The following CDH12 variants were observed in gnomAD, a reference collection of about 807,000 sequenced individuals.
CDH12 encodes the protein cadherin-12.
Under a neutral mutation model 74.1 loss-of-function variants are expected in CDH12, and 41 were observed. That is an observed-to-expected ratio of 0.55 (90% CI 0.43 to 0.72). The LOEUF (loss-of-function observed/expected upper bound fraction) is 0.72, where lower values mean the gene tolerates loss of function less well. Among genes scored for constraint, CDH12 ranks in the 30% least tolerant of loss-of-function variants. The pLI is 0.00. For synonymous variants in CDH12, 399 were observed against 355.0 expected (o/e 1.12, Z -1.39); for missense variants, 945 against 977.2 (o/e 0.97, Z 0.44).
chr5:21,767,638 G>A (rs764803472), intron 11 of CDH12, among the ~76,000 whole-genome samples: 12 of 151,378 alleles, frequency 7.9e-5, no homozygotes, highest in Non-Finnish European at 1.8e-4. Context: ...CATCATTGTG[G>A]CAATACAAAA....
chr5:22,000,726 T>C (rs569208064), intron 5 of CDH12, among the ~76,000 whole-genome samples: 5 of 152,292 alleles, frequency 3.3e-5, no homozygotes, highest in African/African-American at 1.2e-4. Flanking sequence ...CTTCAAGTGA[T>C]GATCGGATAG....
chr5:22,592,989 G>A (rs1028640152), intron 1 of CDH12, among the ~76,000 whole-genome samples: 2 of 142,810 alleles, frequency 1.4e-5, no homozygotes, highest in African/African-American at 5.3e-5. Flanking sequence ...GAGATCTCAC[G>A]ACTGCACTGT....
At chr5:21,822,888 G>A (rs1354991269) in intron 8 of CDH12, among the ~76,000 whole-genome samples, 1 of 152,042 alleles carries the variant, frequency 6.6e-6, no homozygotes, top group Non-Finnish European at 1.5e-5. Flanking sequence ...TCTGAACAAT[G>A]AGAAATTTAT....
intron 4 of CDH12, among the ~76,000 whole-genome samples, chr5:22,100,115 T>C (rs954641999): frequency 1.3e-5 from 2 of 152,186 alleles, no homozygotes; most frequent in African/African-American, 4.8e-5. Flanking sequence ...GTTTTATTTT[T>C]CTTATTAATA....
chr5:22,529,188 TAGAGAGAGAGAGAGAG>T lies in CDH12; in HGVS notation c.-522-23840_-522-23825del, dbSNP rs374921601. On this transcript the variant is annotated intron_variant, in intron 1 of 14. Transcript: ENST00000382254. ...GTGTATATATATATATATATATATA[TAGAGAGAGAGAGAGAG>T]AGAGAGAGAGAGAGAGAGAGAAGAG... Among the ~76,000 whole-genome samples the T allele has an allele frequency of 3.8e-3, 323 of 84,536 alleles. 2 individuals carry two copies. Among genetic ancestry groups the T allele is most frequent in the Admixed American group, 7.4e-3 (51 of 6,932 alleles). The allele number at this position is 84,536 out of a possible 152,430, so 55.5% of individuals were successfully genotyped here. A position where few individuals can be genotyped will look rare whatever the true frequency, so the allele number is the denominator to read the frequency against.
intron 5 of CDH12, among the ~76,000 whole-genome samples, chr5:22,051,568 T>C (rs1293066052): frequency 6.6e-6 from 1 of 152,158 alleles, no homozygotes; most frequent in Non-Finnish European, 1.5e-5. Context: ...GTGACCTTGG[T>C]CACGCTGTAT....
chr5:22,735,708 A>C (rs981927704), intron 1 of CDH12, among the ~76,000 whole-genome samples: 2 of 151,876 alleles, frequency 1.3e-5, no homozygotes, highest in African/African-American at 4.8e-5. Flanking sequence ...TTCCTGTAAA[A>C]AATAGGGTAA....
intron 1 of CDH12, among the ~76,000 whole-genome samples, chr5:22,822,332 C>A (rs1194185727): frequency 2.0e-5 from 3 of 152,126 alleles, no homozygotes; most frequent in Non-Finnish European, 2.9e-5. Flanking sequence ...GCAAGGACTT[C>A]ATGTCTAAAA....
At chr5:22,050,544 T>C (rs925631756) in intron 5 of CDH12, among the ~76,000 whole-genome samples, 5 of 152,170 alleles carry the variant, frequency 3.3e-5, no homozygotes, top group African/African-American at 1.2e-4. Context: ...TTAAACTTAC[T>C]ATGTCTAAAA....
chr5:22,194,181 G>A (rs573645828), intron 4 of CDH12, among the ~76,000 whole-genome samples: 3 of 152,238 alleles, frequency 2.0e-5, no homozygotes, highest in South Asian at 2.1e-4. Flanking sequence ...ATGGTAAATA[G>A]GGGTTAACAG....
intron 3 of CDH12, among the ~76,000 whole-genome samples, chr5:22,295,313 A>G (rs1737573121): frequency 6.6e-6 from 1 of 152,208 alleles, no homozygotes; most frequent in South Asian, 2.1e-4. Flanking sequence ...GATTTAGAAT[A>G]TTCAAGTTAA....
chr5:22,172,882 G>A lies in CDH12; in HGVS notation c.-187+39616C>T, dbSNP rs1308190597. Among the ~76,000 whole-genome samples, 4 of 151,094 alleles carry A rather than the reference G, an allele frequency of 2.6e-5. No homozygotes were observed. In the South Asian group the frequency reaches 8.4e-4, roughly 32 times the overall value. On this transcript the variant is annotated intron_variant, in intron 4 of 14. Coordinates refer to ENST00000382254, the MANE Select transcript of CDH12 (RefSeq NM_004061.5). ...TCATTAGATGCTGTGTCATTGTATT[G>A]TACTGAATTTTCTCCTAATTTTGTA...
intron 1 of CDH12, among the ~76,000 whole-genome samples, chr5:22,824,417 G>A (rs1466681081): frequency 6.6e-6 from 1 of 152,034 alleles, no homozygotes; most frequent in Admixed American, 6.6e-5. Flanking sequence ...TATATGAAAA[G>A]CATACACATA....
chr5:22,825,824 C>A (rs887483040), intron 1 of CDH12, among the ~76,000 whole-genome samples: 6 of 152,104 alleles, frequency 3.9e-5, no homozygotes, highest in Non-Finnish European at 7.4e-5. Flanking sequence ...AGACCAAATA[C>A]TGGTGGCAAA....
At chr5:22,431,818 A>G (rs956345551) in intron 2 of CDH12, among the ~76,000 whole-genome samples, 1 of 152,208 alleles carries the variant, frequency 6.6e-6, no homozygotes, top group Non-Finnish European at 1.5e-5. Flanking sequence ...TAAAGAAAAT[A>G]TTTTTGTGCA....
chr5:22,636,073 C>T (rs921279846), intron 1 of CDH12, among the ~76,000 whole-genome samples: 1 of 151,826 alleles, frequency 6.6e-6, no homozygotes, highest in Non-Finnish European at 1.5e-5. Flanking sequence ...TATAAATTAT[C>T]AATAAGCATA....
At chr5:22,528,946 CT>C (rs1464359511) in intron 1 of CDH12, among the ~76,000 whole-genome samples, 2 of 122,872 alleles carry the variant, frequency 1.6e-5, no homozygotes, top group Non-Finnish European at 3.5e-5. Context: ...AATTATCTTC[CT>C]CTAGACTACT....
chr5:22,365,303 A>G lies in CDH12; in HGVS notation c.-333+39954T>C, dbSNP rs558278311. Among the ~76,000 whole-genome samples the G allele has an allele frequency of 2.0e-5, 3 of 152,308 alleles. No individual in the cohort carries two copies. The South Asian group carries it at 6.2e-4, about 32-fold the overall frequency. On this transcript the variant is annotated intron_variant, in intron 3 of 14. Transcript: ENST00000382254. ...TACCTACAGAAAATGGGTGTAGTTAATAAATGCTACTGTTCTAGTAAAATC... is the reference window on the plus strand; with the variant it reads ...TACCTACAGAAAATGGGTGTAGTTAGTAAATGCTACTGTTCTAGTAAAATC...
At chr5:22,280,987 A>G (rs1736854724) in intron 3 of CDH12, among the ~76,000 whole-genome samples, 1 of 152,200 alleles carries the variant, frequency 6.6e-6, no homozygotes, top group South Asian at 2.1e-4. Context: ...AAATACTGGC[A>G]AACCGAATCC....
Sources: allele counts gnomAD v4.1 joint callset (sites outside exome capture counted in the v4.1 genomes callset), GRCh38; gene constraint gnomAD v4.1.1; transcripts MANE v1.5; gene names NCBI Gene and HGNC (gene_info 2026-07-23, HGNC 2026-07-21).